MAGI2: variants seen among roughly 807,000 people sequenced by gnomAD.
MAGI2 encodes the protein membrane associated guanylate kinase, WW and PDZ domain containing 2.
A neutral mutation model predicts 133.3 loss-of-function variants in MAGI2; 35 were observed. The ratio of observed to expected loss-of-function variants is 0.26; its 90% CI spans 0.20 to 0.35. The LOEUF (loss-of-function observed/expected upper bound fraction) is 0.35, where lower values mean the gene tolerates loss of function less well. Ranked by LOEUF, MAGI2 falls within the 10% of genes least tolerant of loss-of-function variation. The pLI, the probability that MAGI2 is intolerant of heterozygous loss-of-function variation, is 1.00. For synonymous variants in MAGI2, 729 were observed against 710.6 expected, an observed-to-expected ratio of 1.03 and a Z score of -0.41; for missense variants, 1,636 against 1,863.4, an observed-to-expected ratio of 0.88 and a Z score of 2.25.
chr7:78,884,044 A>C (rs1170812518), intron 2 of MAGI2, among the ~76,000 whole-genome samples: 2 of 152,212 alleles, frequency 1.3e-5, no homozygotes, highest in Non-Finnish European at 2.9e-5. Flanking sequence ...GCAGCAAAAG[A>C]AACTTTCAAC....
chr7:78,454,924 G>A (rs761337615), intron 6 of MAGI2, among the ~76,000 whole-genome samples: 3 of 152,104 alleles, frequency 2.0e-5, no homozygotes, highest in Non-Finnish European at 2.9e-5. Flanking sequence ...AGGGATGAAC[G>A]GGTGGAGCAC....
chr7:78,203,010 TA>T (rs1439742242), intron 10 of MAGI2, among the ~76,000 whole-genome samples: 2 of 152,256 alleles, frequency 1.3e-5, no homozygotes, highest in Admixed American at 6.5e-5. Flanking sequence ...ACCATGAGTT[TA>T]AAAGTGAAAC....
intron 2 of MAGI2, among the ~76,000 whole-genome samples, chr7:78,948,356 G>A (rs753636342): frequency 1.3e-5 from 2 of 151,382 alleles, no homozygotes; most frequent in African/African-American, 2.4e-5. Flanking sequence ...AGCAGCATAT[G>A]ATTAGAGAGG....
At chr7:78,268,264 A>G (rs546917227) in intron 9 of MAGI2, among the ~76,000 whole-genome samples, 52 of 152,280 alleles carry the variant, frequency 3.4e-4, no homozygotes, top group African/African-American at 1.3e-3. Context: ...GTGGTGGCAT[A>G]TTAATTGAAA....
chr7:78,213,857 G>A (rs1788009713), intron 10 of MAGI2, among the ~76,000 whole-genome samples: 1 of 152,128 alleles, frequency 6.6e-6, no homozygotes, highest in Non-Finnish European at 1.5e-5. Context: ...TTAATCTAAG[G>A]TTTTCCTTCT....
At chr7:79,334,245 A>T (rs1393460638) in intron 1 of MAGI2, among the ~76,000 whole-genome samples, 1 of 152,210 alleles carries the variant, frequency 6.6e-6, no homozygotes, top group African/African-American at 2.4e-5. Context: ...CTGGGGTGTG[A>T]ATATTACATA....
intron 20 of MAGI2, among the ~76,000 whole-genome samples, chr7:78,121,837 G>A (rs1241183348): frequency 6.6e-6 from 1 of 152,142 alleles, no homozygotes; most frequent in African/African-American, 2.4e-5. Context: ...AATCTCAAAT[G>A]TCCATAAAAT....
At chr7:78,478,087 C>T (rs1791968507) in intron 6 of MAGI2, among the ~76,000 whole-genome samples, 1 of 151,764 alleles carries the variant, frequency 6.6e-6, no homozygotes, top group South Asian at 2.1e-4. Context: ...CCCTATCCCC[C>T]AACAGGCCCC....
Position 78,129,662 on chromosome 7 carries a change from C to T in MAGI2, c.3204-2246G>A, listed in dbSNP as rs115057269. Among the ~76,000 whole-genome samples, 1,329 of 152,176 alleles carry T rather than the reference C, an allele frequency of 8.7e-3. 12 individuals are homozygous for T. The highest frequency in any genetic ancestry group is 0.028 in the African/African-American group (1,147 of 41,526). ...TCGTGGGCCCTTCAAGAATCACTTC[C>T]GGCCAGATGCCGTGGCTCACGCCTG... is the stretch of plus-strand genomic sequence containing the variant. On this transcript the variant is annotated intron_variant, in intron 18 of 21. Coordinates refer to ENST00000354212, the MANE Select transcript of MAGI2 (RefSeq NM_012301.4).
chr7:78,365,290 G>A (rs2151248947), intron 7 of MAGI2, among the ~76,000 whole-genome samples: 1 of 152,216 alleles, frequency 6.6e-6, no homozygotes, highest in East Asian at 1.9e-4. Flanking sequence ...AGAACGGTAC[G>A]ACAGGGAGGC....
chr7:78,081,362 A>G (rs1462049917), intron 20 of MAGI2, among the ~76,000 whole-genome samples: 1 of 152,244 alleles, frequency 6.6e-6, no homozygotes, highest in Non-Finnish European at 1.5e-5. Flanking sequence ...ATTTCTATGT[A>G]CAGTAAGTTC....
At chr7:79,274,047 C>T (rs1286665797) in intron 1 of MAGI2, among the ~76,000 whole-genome samples, 1 of 152,062 alleles carries the variant, frequency 6.6e-6, no homozygotes, top group Non-Finnish European at 1.5e-5. Flanking sequence ...GACTCACCAC[C>T]TGGAGGTAGG....
At chr7:79,342,299 T>C (rs1407792188) in intron 1 of MAGI2, among the ~76,000 whole-genome samples, 1 of 152,204 alleles carries the variant, frequency 6.6e-6, no homozygotes, top group Non-Finnish European at 1.5e-5. Context: ...AATAACTCGG[T>C]CCCCTGTGTT....
chr7:78,232,697 G>GT (rs2150878919), intron 10 of MAGI2, among the ~76,000 whole-genome samples: 1 of 152,286 alleles, frequency 6.6e-6, no homozygotes, highest in South Asian at 2.1e-4. Flanking sequence ...CTGAAGAAAT[G>GT]ATAAAGATTC....
chr7:79,378,422 A>G (rs966010111), intron 1 of MAGI2, among the ~76,000 whole-genome samples: 2 of 151,772 alleles, frequency 1.3e-5, no homozygotes, highest in Admixed American at 1.3e-4. Flanking sequence ...TGGCTTGACC[A>G]AAGTCATACA....
chr7:79,385,374 T>G (rs1462401851), intron 1 of MAGI2, among the ~76,000 whole-genome samples: 1 of 151,904 alleles, frequency 6.6e-6, no homozygotes, highest in Non-Finnish European at 1.5e-5. Flanking sequence ...TAAAATTGTT[T>G]TAAGATAACA....
chr7:79,171,408 C>T (rs1050034786), intron 1 of MAGI2, among the ~76,000 whole-genome samples: 2 of 151,774 alleles, frequency 1.3e-5, no homozygotes, highest in Non-Finnish European at 2.9e-5. Flanking sequence ...ATTATGTTTC[C>T]AATGACCCAA....
chr7:78,344,470 T>C (rs2075014), intron 8 of MAGI2, among the ~76,000 whole-genome samples: 91,594 of 151,920 alleles, frequency 0.6, 28,202 homozygotes, highest in African/African-American at 0.7. Flanking sequence ...AAGAGCACAA[T>C]ATTTCAGCAT....
At chr7:78,451,164 G>A (rs1788686989) in intron 6 of MAGI2, among the ~76,000 whole-genome samples, 1 of 152,038 alleles carries the variant, frequency 6.6e-6, no homozygotes, top group Non-Finnish European at 1.5e-5. Flanking sequence ...GCTTGGAAGT[G>A]TTCCAGTGTT....
Sources: gnomAD v4.1 joint callset for allele counts (sites outside exome capture counted in the v4.1 genomes callset) on GRCh38, gnomAD v4.1.1 for gene constraint, MANE v1.5 for transcripts, NCBI Gene and HGNC (gene_info 2026-07-23, HGNC 2026-07-21) for gene names.